Variants in FBN1 observed in about 807,000 individuals in gnomAD.
FBN1 encodes fibrillin-1.
Under a neutral mutation model 365.1 loss-of-function variants are expected in FBN1, and 29 were observed. The observed-to-expected ratio is 0.08, with a 90% CI of 0.06 to 0.11. The LOEUF (loss-of-function observed/expected upper bound fraction) is 0.11. Ranked by LOEUF, FBN1 falls within the 10% of genes least tolerant of loss-of-function variation. The pLI is 1.00. For missense variants in FBN1, 2,476 were observed against 3,703.2 expected, an observed-to-expected ratio of 0.67 and a Z score of 8.60; for synonymous variants, 1,210 against 1,270.5, an observed-to-expected ratio of 0.95 and a Z score of 1.01.
intron 6 of FBN1, among the ~76,000 whole-genome samples, chr15:48,556,198 G>A (rs1444272029): frequency 6.6e-6 from 1 of 152,136 alleles, no homozygotes; most frequent in Non-Finnish European, 1.5e-5. Flanking sequence ...AACCTCAAAG[G>A]TTAGTGACTG....
At chr15:48,645,236 T>A (rs898404587) in intron 1 of FBN1, among the ~76,000 whole-genome samples, 4 of 151,902 alleles carry the variant, frequency 2.6e-5, no homozygotes, top group African/African-American at 4.8e-5. Context: ...TCTGGGTTTA[T>A]TTTTTTTAGC....
chr15:48,534,230 G>T (rs3837725), intron 7 of FBN1, 25 bp from the exon 8 acceptor site: 3 of 1,350,342 alleles, frequency 2.2e-6, no homozygotes, highest in Non-Finnish European at 3.0e-6. Context: ...AAGACAGAGA[G>T]AAAAAAAAAA....
intron 12 of FBN1, among the ~76,000 whole-genome samples, chr15:48,515,022 A>G (rs1264404372): frequency 6.6e-6 from 1 of 152,220 alleles, no homozygotes; most frequent in African/African-American, 2.4e-5. Flanking sequence ...AATGTGGAAG[A>G]GGGAATTGCA....
rs1178360874 is a variant in FBN1, at chr15:48,513,601, G to A, written c.1536C>T (p.Thr512=). 1.2e-6 allele frequency: 2 copies of A among 1,614,020 alleles called. No individual in the cohort carries two copies. Among genetic ancestry groups the A allele is most frequent in the Non-Finnish European group, 1.7e-6 (2 of 1,179,944 alleles). ...TCTGATATCCAGCTCGGCACTGACA[G>A]GTGTACGAACCCTGGTTGTTAATAC... ...GECINNQGSY[T]CQCRAGYQST... The change falls in exon 13 of 66, where the codon ACC becomes ACT. Residue 512 remains threonine, a synonymous_variant. Transcript: ENST00000316623.
chr15:48,541,906 G>A (rs74516241), intron 6 of FBN1, among the ~76,000 whole-genome samples: 20 of 152,036 alleles, frequency 1.3e-4, no homozygotes, highest in Non-Finnish European at 2.2e-4. Context: ...TTCCTTATAA[G>A]ACCTTCATGA....
chr15:48,475,803 AATGGTCCTG>A (rs2043413889), intron 32 of FBN1, among the ~76,000 whole-genome samples: 1 of 152,334 alleles, frequency 6.6e-6, no homozygotes, highest in South Asian at 2.1e-4. Flanking sequence ...GAAGCTCTGA[AATGGTCCTG>A]GGATCTTTGG....
chr15:48,498,651 T>C (rs2043628800), intron 18 of FBN1, among the ~76,000 whole-genome samples: 1 of 152,138 alleles, frequency 6.6e-6, no homozygotes, highest in African/African-American at 2.4e-5. Context: ...TACTTGATAG[T>C]GGAAGATCCA....
rs879018362 is a variant in FBN1, at chr15:48,425,675, G to GT, written c.7330+63dup. ...AGACTTTTTAGATTTTTAGCTTTGGGTTTTTTTTTTTCCATAATCTAAAAT... is the reference window on the plus strand; with the variant it reads ...AGACTTTTTAGATTTTTAGCTTTGGGTTTTTTTTTTTTCCATAATCTAAAAT... On this transcript the variant is annotated intron_variant, in intron 59 of 65. Coordinates refer to ENST00000316623, the MANE Select transcript of FBN1 (RefSeq NM_000138.5). The GT allele has an allele frequency of 0.064, 62,159 of 973,036 alleles. 4 individuals carry two copies. The highest frequency in any genetic ancestry group is 0.07 in the Non-Finnish European group (50,569 of 717,876). The allele number at this position is 973,036 out of a possible 1,614,324, so 60.3% of individuals were successfully genotyped here.
Position 48,481,640 on chromosome 15 carries a change from C to T in FBN1, c.3964+15G>A. On this transcript the variant is annotated intron_variant, in intron 32 of 65. Transcript: ENST00000316623. ...AACTACTTAATATTTTATTGTTCTA[C>T]TTGAACAAACACACCTGTACAGCCA... The T allele has an allele frequency of 6.2e-7, 1 of 1,613,132 alleles. No homozygotes were observed. The highest frequency in any genetic ancestry group is 8.5e-7 in the Non-Finnish European group (1 of 1,179,348).
intron 6 of FBN1, among the ~76,000 whole-genome samples, chr15:48,548,756 G>C (rs2044117482): frequency 6.6e-6 from 1 of 152,188 alleles, no homozygotes; most frequent in East Asian, 1.9e-4. Flanking sequence ...AATGCCCCAA[G>C]AGGGAAGCCA....
chr15:48,620,201 A>T (rs937465494), intron 2 of FBN1, among the ~76,000 whole-genome samples: 2 of 152,204 alleles, frequency 1.3e-5, no homozygotes, highest in African/African-American at 4.8e-5. Context: ...GGCTGGAATG[A>T]TCCAGCTCCA....
chr15:48,440,862 C>A (rs2043107012), intron 50 of FBN1, among the ~76,000 whole-genome samples: 1 of 149,188 alleles, frequency 6.7e-6, no homozygotes, highest in African/African-American at 2.5e-5. Context: ...AGTGCCTCTT[C>A]CATATTTGGT....
intron 46 of FBN1, among the ~76,000 whole-genome samples, chr15:48,447,558 G>T (rs2043169498): frequency 6.6e-6 from 1 of 152,092 alleles, no homozygotes; most frequent in Non-Finnish European, 1.5e-5. Context: ...CTTATAAAGA[G>T]TAGATGCACA....
chr15:48,506,128 C>A (rs112259842), intron 15 of FBN1, among the ~76,000 whole-genome samples: 5 of 152,128 alleles, frequency 3.3e-5, no homozygotes, highest in Admixed American at 2.6e-4. Flanking sequence ...GAGGCTGAGG[C>A]GCAAGAATTA....
chr15:48,560,509 G>A (rs79029185), intron 6 of FBN1, among the ~76,000 whole-genome samples: 1 of 152,138 alleles, frequency 6.6e-6, no homozygotes, highest in African/African-American at 2.4e-5. Flanking sequence ...TATTCTCTGA[G>A]GTTTGGGATT....
chr15:48,619,937 G>C (rs772122485), intron 2 of FBN1, among the ~76,000 whole-genome samples: 1 of 151,160 alleles, frequency 6.6e-6, no homozygotes, highest in Non-Finnish European at 1.5e-5. Context: ...TACATGCTTC[G>C]ACCTATATGA....
At chr15:48,576,785 G>A (rs969136767) in intron 6 of FBN1, among the ~76,000 whole-genome samples, 7 of 152,144 alleles carry the variant, frequency 4.6e-5, no homozygotes, top group Admixed American at 3.3e-4. Context: ...CCCTCATGGA[G>A]TTTAATAATG....
intron 10 of FBN1, among the ~76,000 whole-genome samples, chr15:48,518,466 CTTTCTT>C: frequency 6.6e-6 from 1 of 152,338 alleles, no homozygotes; most frequent in South Asian, 2.1e-4. Context: ...CCAATTCGGC[CTTTCTT>C]TTTAAGACTT....
At chr15:48,463,323 C>T in intron 41 of FBN1, 83 bp from the exon 42 acceptor site, 1 of 1,305,096 alleles carries the variant, frequency 7.7e-7, no homozygotes, top group Non-Finnish European at 1.1e-6. Context: ...GGATACTCAA[C>T]AAGCAAGTTT....
Sources: allele counts gnomAD v4.1 joint callset (sites outside exome capture counted in the v4.1 genomes callset), GRCh38; gene constraint gnomAD v4.1.1; transcripts MANE v1.5; gene names NCBI Gene and HGNC (gene_info 2026-07-23, HGNC 2026-07-21).